The following NRCAM variants were observed in gnomAD, a reference collection of about 807,000 sequenced individuals.
NRCAM encodes neuronal cell adhesion molecule.
NRCAM carries 83 observed loss-of-function variants against 156.5 expected under a neutral mutation model. The observed-to-expected ratio is 0.53, with a 90% CI of 0.44 to 0.64. NRCAM has a LOEUF of 0.64. Ranked by LOEUF, NRCAM falls within the 30% of genes least tolerant of loss-of-function variation. The pLI, the probability that NRCAM is intolerant of heterozygous loss-of-function variation, is 0.00. For missense variants in NRCAM, 1,417 were observed against 1,597.3 expected, an observed-to-expected ratio of 0.89 and a Z score of 1.92; for synonymous variants, 538 against 563.9, an observed-to-expected ratio of 0.95 and a Z score of 0.65.
chr7:108,171,103 C>T (rs941534964), intron 28 of NRCAM, among the ~76,000 whole-genome samples: 5 of 152,182 alleles, frequency 3.3e-5, no homozygotes, highest in African/African-American at 7.2e-5. Context: ...TTAATCCCCA[C>T]TCATCCACCT....
intron 3 of NRCAM, among the ~76,000 whole-genome samples, chr7:108,277,104 G>A (rs1020094636): frequency 5.3e-5 from 8 of 152,162 alleles, no homozygotes; most frequent in African/African-American, 1.2e-4. Context: ...AGAGAGATCC[G>A]CTGTTAGTCT....
chr7:108,239,799 T>A (rs939226461), intron 4 of NRCAM, among the ~76,000 whole-genome samples, 160 bp downstream of exon 4: 2 of 152,182 alleles, frequency 1.3e-5, no homozygotes, highest in East Asian at 3.9e-4. Flanking sequence ...ACAGTGTGAA[T>A]CTTTATAAAC....
intron 2 of NRCAM, among the ~76,000 whole-genome samples, chr7:108,359,601 T>C (rs966370730): frequency 6.6e-6 from 1 of 152,138 alleles, no homozygotes; most frequent in African/African-American, 2.4e-5. Flanking sequence ...CAAGAGAAAC[T>C]TGGAAAGGTA....
intron 20 of NRCAM, among the ~76,000 whole-genome samples, chr7:108,188,044 A>C (rs551220225): frequency 6.6e-6 from 1 of 152,100 alleles, no homozygotes; most frequent in East Asian, 1.9e-4. Context: ...AGGAGGGAAG[A>C]CCTTCAGACC....
chr7:108,210,848 C>T (rs1427015205), intron 11 of NRCAM, among the ~76,000 whole-genome samples: 1 of 152,152 alleles, frequency 6.6e-6, no homozygotes, highest in Non-Finnish European at 1.5e-5. Flanking sequence ...TCCAGGCCCT[C>T]AGGAAGATAA....
At chr7:108,444,372 T>TTTC (rs146207122) in intron 1 of NRCAM, among the ~76,000 whole-genome samples, 9 of 85,904 alleles carry the variant, frequency 1.0e-4, no homozygotes, top group African/African-American at 3.8e-4. Context: ...CTGTATTCTC[T>TTTC]TTTTTTTTGG....
rs191979011 is a variant in NRCAM, at chr7:108,224,211, G to A, written c.779-375C>T. 3.2e-4 allele frequency among the ~76,000 whole-genome samples: 49 copies of A among 152,156 alleles called. No individual in the cohort carries two copies. The South Asian group carries it at 5.4e-3, about 17-fold the overall frequency. ...TTCCCTTAGGATTAGTGCTTAGGTC[G>A]AAGCAAAAATTAACTGTCTATCTTC... On this transcript the variant is annotated intron_variant, in intron 10 of 32. Coordinates refer to ENST00000379028, the MANE Select transcript of NRCAM (RefSeq NM_001037132.4).
chr7:108,332,376 T>C (rs928079542), intron 2 of NRCAM, among the ~76,000 whole-genome samples: 1 of 152,236 alleles, frequency 6.6e-6, no homozygotes, highest in Non-Finnish European at 1.5e-5. Context: ...TGGGTTACTT[T>C]CTGTATCTGG....
intron 1 of NRCAM, among the ~76,000 whole-genome samples, chr7:108,423,143 G>A (rs1417334661): frequency 6.6e-6 from 1 of 151,978 alleles, no homozygotes; most frequent in Non-Finnish European, 1.5e-5. Context: ...AGAGAGGACG[G>A]TGATTCTCAT....
intron 3 of NRCAM, among the ~76,000 whole-genome samples, chr7:108,268,121 C>T (rs964195380): frequency 5.1e-4 from 78 of 152,286 alleles, no homozygotes; most frequent in African/African-American, 1.8e-3. Flanking sequence ...AGTGTAAACA[C>T]AACATTCTTG....
intron 32 of NRCAM, among the ~76,000 whole-genome samples, chr7:108,155,327 C>T (rs1585130676): frequency 1.3e-5 from 2 of 151,586 alleles, no homozygotes; most frequent in Non-Finnish European, 2.9e-5. Context: ...AAAATATATA[C>T]ATATTATATA....
intron 2 of NRCAM, among the ~76,000 whole-genome samples, chr7:108,378,684 CACACAA>C (rs1209481526): frequency 1.6e-4 from 21 of 133,206 alleles, no homozygotes; most frequent in Admixed American, 3.0e-4. Context: ...CACACACACA[CACACAA>C]ACTCCAAGAC....
At chr7:108,455,315 G>T (rs1355469590) in intron 1 of NRCAM, among the ~76,000 whole-genome samples, 1 of 152,112 alleles carries the variant, frequency 6.6e-6, no homozygotes, top group Non-Finnish European at 1.5e-5. Flanking sequence ...GGCCGGGGGC[G>T]GCGCTCGGCG....
intron 3 of NRCAM, among the ~76,000 whole-genome samples, chr7:108,292,471 C>T (rs759550): frequency 0.5 from 75,938 of 151,976 alleles, 19,200 homozygotes; most frequent in Non-Finnish European, 0.54. Flanking sequence ...TGCTTACTAA[C>T]TCAGGAGTAT....
intron 1 of NRCAM, among the ~76,000 whole-genome samples, chr7:108,409,508 TC>T (rs1343650812): frequency 1.3e-5 from 2 of 152,204 alleles, no homozygotes; most frequent in African/African-American, 4.8e-5. Context: ...CCTGGGTCAC[TC>T]TTCAATTCCA....
At chr7:108,351,151 A>T (rs1020886166) in intron 2 of NRCAM, among the ~76,000 whole-genome samples, 3 of 152,142 alleles carry the variant, frequency 2.0e-5, no homozygotes, top group African/African-American at 7.2e-5. Context: ...TAGTGATATT[A>T]TCTTGGGAGT....
At chr7:108,328,115 C>T (rs965565610) in intron 2 of NRCAM, among the ~76,000 whole-genome samples, 7 of 152,168 alleles carry the variant, frequency 4.6e-5, no homozygotes, top group African/African-American at 1.4e-4. Context: ...AATATGTTCA[C>T]ATTTTGCTAC....
chr7:108,164,333 T>A (rs1283400573), intron 30 of NRCAM, among the ~76,000 whole-genome samples: 1 of 151,814 alleles, frequency 6.6e-6, no homozygotes, highest in South Asian at 2.1e-4. Context: ...AGGAAAAAAA[T>A]TAAGAAATAT....
intron 2 of NRCAM, among the ~76,000 whole-genome samples, chr7:108,351,992 C>T (rs2099416133): frequency 6.6e-6 from 1 of 151,936 alleles, no homozygotes; most frequent in Non-Finnish European, 1.5e-5. Context: ...GCCTTGGGGA[C>T]CCCTCTCAAA....
Sources: allele counts gnomAD v4.1 joint callset (sites outside exome capture counted in the v4.1 genomes callset), GRCh38; gene constraint gnomAD v4.1.1; transcripts MANE v1.5; gene names NCBI Gene and HGNC (gene_info 2026-07-23, HGNC 2026-07-21).